The following ATG13 variants were observed in gnomAD, a reference collection of about 807,000 sequenced individuals.
The protein encoded by ATG13 is autophagy-related protein 13.
In ATG13, 23 loss-of-function variants were observed where a neutral mutation model predicts 65.5. The ratio of observed to expected loss-of-function variants is 0.35; its 90% CI spans 0.25 to 0.50. ATG13 has a LOEUF of 0.50. Among genes scored for constraint, ATG13 ranks in the 20% least tolerant of loss-of-function variants. The probability of loss-of-function intolerance (pLI) is 0.98; values close to 1 mark genes in which losing one functional copy is unlikely to be tolerated. For missense variants in ATG13, 566 were observed against 677.0 expected, an observed-to-expected ratio of 0.84 and a Z score of 1.82; for synonymous variants, 252 against 245.2, an observed-to-expected ratio of 1.03 and a Z score of -0.26.
rs1174990124 is a variant in ATG13 at position 46,649,120 on chromosome 11, A to G, written c.271-17A>G. The stretch of plus-strand genomic sequence containing the variant: ...AAAATTTTTTAAACAAATATTTTAA[A>G]TTTGTCCTTTCTACAGGGAGATTCC... On this transcript the variant is annotated splice_polypyrimidine_tract_variant and intron_variant, in intron 5 of 18. Transcript: ENST00000683050. The G allele has an allele frequency of 6.2e-7, 1 of 1,605,428 alleles. No individual in the cohort carries two copies. Among genetic ancestry groups the G allele is most frequent in the Non-Finnish European group, 8.5e-7 (1 of 1,176,378 alleles).
chr11:46,650,274 A>C lies in ATG13; in HGVS notation c.415A>C (p.Arg139=). ...LAITRVTPAY[R]LSRKQGHEYV... ...TATAACTAGGGTGACACCAGCCTAT[A>C]GGCTCTCCAGGAAACAAGGGCATGA... Residue 139 remains arginine (R), a synonymous_variant, in exon 7 of 19, where the codon AGG becomes CGG. Transcript: ENST00000683050. 6.2e-7 allele frequency: 1 copy of C among 1,614,102 alleles called. No individual in the cohort carries two copies. The highest frequency in any genetic ancestry group is 8.5e-7 in the Non-Finnish European group (1 of 1,179,996).
At chr11:46,666,141 T>G (rs1345365652) in intron 14 of ATG13, among the ~76,000 whole-genome samples, 1 of 152,170 alleles carries the variant, frequency 6.6e-6, no homozygotes, top group Non-Finnish European at 1.5e-5. Context: ...AGAGAAAAAG[T>G]GTAGACTCCT....
chr11:46,670,858 A>T (rs1484766952), intron 18 of ATG13, among the ~76,000 whole-genome samples: 1 of 152,156 alleles, frequency 6.6e-6, no homozygotes, highest in Non-Finnish European at 1.5e-5. Flanking sequence ...TTTGAGTGCC[A>T]GGCATTTTTC....
chr11:46,631,997 T>C (rs915655269), intron 2 of ATG13, among the ~76,000 whole-genome samples: 6 of 152,218 alleles, frequency 3.9e-5, no homozygotes, highest in Admixed American at 6.5e-5. Context: ...GCAGAGATGT[T>C]GCAAAATTGA....
intron 10 of ATG13, 130 bp downstream of exon 10, chr11:46,657,752 G>T: frequency 1.3e-6 from 1 of 754,504 alleles, no homozygotes; most frequent in Non-Finnish European, 2.1e-6. Flanking sequence ...GAGACCCCAC[G>T]TGGAGAGAAA....
Position 46,664,954 on chromosome 11 carries a change from C to T in ATG13, c.994C>T (p.His332Tyr). 6.2e-7 allele frequency: 1 copy of T among 1,613,218 alleles called. No homozygotes were observed. Among genetic ancestry groups the T allele is most frequent in the South Asian group, 1.1e-5 (1 of 91,052 alleles). ...TGCTGGCTTAAATGCTACACACCCT[C>T]ACCAGGTATCTTTAAAGATGGGGAG... The part of the protein sequence containing the change: ...FAAGLNATHP[H>Y]QLMVPGKEGG... The change falls in exon 13 of 19, where the codon CAC (histidine) becomes TAC (tyrosine). Residue 332 changes from histidine to tyrosine, a missense_variant. This residue lies in a region of ATG13 where 387 missense variants were observed against 409.8 expected (regional missense o/e 0.94). Transcript: ENST00000683050.
intron 2 of ATG13, among the ~76,000 whole-genome samples, chr11:46,638,023 T>C (rs1194846722): frequency 6.6e-6 from 1 of 152,356 alleles, no homozygotes; most frequent in South Asian, 2.1e-4. Context: ...ATAATAATTA[T>C]ACATATTTAT....
At chr11:46,626,042 G>C (rs1427396363) in intron 1 of ATG13, among the ~76,000 whole-genome samples, 1 of 151,752 alleles carries the variant, frequency 6.6e-6, no homozygotes, top group Admixed American at 6.6e-5. Flanking sequence ...TGCAAGCTCC[G>C]TCTCCCAGGT....
chr11:46,634,415 T>C (rs1043820017), intron 2 of ATG13, among the ~76,000 whole-genome samples: 1 of 151,718 alleles, frequency 6.6e-6, no homozygotes, highest in Non-Finnish European at 1.5e-5. Context: ...TTCTTTTTTT[T>C]TTTTTGAGTC....
intron 11 of ATG13, among the ~76,000 whole-genome samples, 178 bp from the exon 12 acceptor site, chr11:46,663,815 TCCAA>T (rs2061673005): frequency 6.6e-6 from 1 of 152,172 alleles, no homozygotes; most frequent in Admixed American, 6.5e-5. Flanking sequence ...CTAGGAATCT[TCCAA>T]GTTGTCCCTT....
intron 2 of ATG13, among the ~76,000 whole-genome samples, chr11:46,637,583 C>T (rs1014811162): frequency 3.9e-5 from 6 of 152,086 alleles, no homozygotes; most frequent in Non-Finnish European, 8.8e-5. Context: ...CCATGTTGGC[C>T]AGGATGGTCG....
intron 1 of ATG13, chr11:46,621,245 C>T (rs542691568): frequency 9.2e-5 from 14 of 152,246 alleles, no homozygotes; most frequent in Admixed American, 3.9e-4. Flanking sequence ...CAACTCCTGA[C>T]CTCGTGATAC....
intron 1 of ATG13, among the ~76,000 whole-genome samples, chr11:46,624,066 G>A (rs1309431051): frequency 2.6e-5 from 4 of 151,026 alleles, no homozygotes; most frequent in Non-Finnish European, 4.4e-5. Flanking sequence ...GTACAGTGGC[G>A]CAATCTCGGC....
intron 5 of ATG13, among the ~76,000 whole-genome samples, chr11:46,647,185 AC>A (rs754756688): frequency 1.9e-3 from 287 of 152,212 alleles, no homozygotes; most frequent in Non-Finnish European, 2.9e-3. Context: ...TGCAGTCTTA[AC>A]TTAGACTTCA....
chr11:46,647,360 C>T (rs2057893091), intron 5 of ATG13, among the ~76,000 whole-genome samples: 1 of 150,586 alleles, frequency 6.6e-6, no homozygotes, highest in African/African-American at 2.4e-5. Flanking sequence ...TCACTGCAAC[C>T]TCCGCCTCCC....
At chr11:46,643,612 C>CTTT (rs763315083) in intron 2 of ATG13, among the ~76,000 whole-genome samples, 2 of 130,832 alleles carry the variant, frequency 1.5e-5, no homozygotes, top group African/African-American at 5.6e-5. Flanking sequence ...CCTGGGAGGG[C>CTTT]TTTTTTTTTT....
At chr11:46,670,122 T>C (rs1344369506) in intron 18 of ATG13, among the ~76,000 whole-genome samples, 2 of 152,180 alleles carry the variant, frequency 1.3e-5, no homozygotes, top group African/African-American at 2.4e-5. Flanking sequence ...ACCTCCTAAA[T>C]AGATATTAAG....
chr11:46,636,935 G>T (rs2054192814), intron 2 of ATG13, among the ~76,000 whole-genome samples: 1 of 151,994 alleles, frequency 6.6e-6, no homozygotes, highest in African/African-American at 2.4e-5. Flanking sequence ...CACCATGTTG[G>T]CTAGGATGGT....
Position 46,672,783 on chromosome 11 carries a change from A to G in ATG13, c.*451A>G, listed in dbSNP as rs747273414. The G allele has an allele frequency of 5.9e-6, 8 of 1,345,442 alleles. No homozygotes were observed. The highest frequency in any genetic ancestry group is 7.8e-6 in the Non-Finnish European group (8 of 1,019,432). The allele number at this position is 1,345,442 out of a possible 1,614,324, so 83.3% of individuals were successfully genotyped here. On this transcript the variant is annotated 3_prime_UTR_variant, in exon 19 of 19. Coordinates refer to ENST00000683050, the MANE Select transcript of ATG13 (RefSeq NM_001346311.2). ...GTGGAGTCGCAGAAAGAGGAAGGAGACAGTGCCAGGAGGAAGAAGGAAGGA... is the reference window on the plus strand; with the variant it reads ...GTGGAGTCGCAGAAAGAGGAAGGAGGCAGTGCCAGGAGGAAGAAGGAAGGA...
Sources: allele counts gnomAD v4.1 joint callset (sites outside exome capture counted in the v4.1 genomes callset), GRCh38; gene constraint gnomAD v4.1.1; regional missense constraint gnomAD v4.1.1; transcripts MANE v1.5; gene names NCBI Gene and HGNC (gene_info 2026-07-23, HGNC 2026-07-21).